The following UTP18 variants were observed in gnomAD, a reference collection of about 807,000 sequenced individuals.
The protein encoded by UTP18 is U3 small nucleolar RNA-associated protein 18 homolog.
UTP18 carries 36 observed loss-of-function variants against 61.1 expected under a neutral mutation model. The observed-to-expected ratio is 0.59, with a 90% CI of 0.45 to 0.78. The LOEUF is 0.78. Among genes scored for constraint, UTP18 ranks in the 30% least tolerant of loss-of-function variants. The pLI is 0.00. For synonymous variants in UTP18, 282 were observed against 251.1 expected (o/e 1.12, Z -1.16); for missense variants, 753 against 693.9 (o/e 1.09, Z -0.96).
At chr17:51,289,732 T>G (rs946897172) in intron 11 of UTP18, among the ~76,000 whole-genome samples, 1 of 152,232 alleles carries the variant, frequency 6.6e-6, no homozygotes, top group Admixed American at 6.5e-5. Flanking sequence ...ACTACCAGAT[T>G]GTACGCACTT....
In UTP18 at chr17:51,285,295, A is replaced by G. The variant is rs759197720; in HGVS notation, c.1255A>G (p.Arg419Gly). ...WDVNSRKCLN[R>G]FVDEGSLYGL... is the part of the protein sequence containing the mutation. ...TGTGAACTCAAGGAAGTGCCTTAACAGATTTGTTGATGAAGGCAGTTTATA... is the reference window on the plus strand; with the variant it reads ...TGTGAACTCAAGGAAGTGCCTTAACGGATTTGTTGATGAAGGCAGTTTATA... The change falls in exon 10 of 14, where the codon AGA (arginine) becomes GGA (glycine). Residue 419 changes from arginine to glycine, a missense_variant. Physicochemically the swap from Arg to Gly is moderately radical, Grantham distance 125 (BLOSUM62 -2). Transcript: ENST00000225298. 3 of 1,614,024 alleles carry G rather than the reference A, an allele frequency of 1.9e-6. No individual in the cohort carries two copies. The highest frequency in any genetic ancestry group is 1.7e-5 in the Admixed American group (1 of 60,026).
intron 3 of UTP18, among the ~76,000 whole-genome samples, chr17:51,267,757 T>C (rs1362394597): frequency 6.6e-6 from 1 of 152,172 alleles, no homozygotes; most frequent in East Asian, 1.9e-4. Context: ...CAGGGTCTTA[T>C]AAATGCCTTT....
rs2318789 is a variant in UTP18 at position 51,273,441 on chromosome 17, A to C, written c.702A>C (p.Gly234=). Residue 234 remains glycine (G), a synonymous_variant, in exon 5 of 14, where the codon GGA becomes GGC. Coordinates refer to ENST00000225298, the MANE Select transcript of UTP18 (RefSeq NM_016001.3). ...CCACATCAACTTCTCTTCCAAGAGG[A>C]ATCTTGAAGGTGAGAGTCAGTGAAG... is the stretch of plus-strand genomic sequence containing the variant. The part of the protein sequence containing the change: ...FISTSTSLPR[G]ILKMKNCQHA... 0.45 allele frequency: 721,900 copies of C among 1,604,924 alleles called. 167,643 individuals carry two copies. The highest frequency in any genetic ancestry group is 0.6 in the East Asian group (26,561 of 44,420).
In UTP18 at chr17:51,293,958, A is replaced by G; in HGVS notation, c.1559A>G (p.Asn520Ser). ...AACTTCCCAGTCATTAAAAATAAGA[A>G]TATTTCTCATGTTCATACCATGGAT... ...FSNFPVIKNK[N>S]ISHVHTMDFS... Residue 520 changes from asparagine (N) to serine (S), a missense_variant, in exon 12 of 14, where the codon AAT (asparagine) becomes AGT (serine). By Grantham distance (46) the Asn-to-Ser change is conservative. Transcript: ENST00000225298. 6.2e-7 allele frequency: 1 copy of G among 1,608,306 alleles called. No homozygotes were observed. Among genetic ancestry groups the G allele is most frequent in the African/African-American group, 1.3e-5 (1 of 74,774 alleles).
intron 2 of UTP18, 148 bp downstream of exon 2, chr17:51,263,534 G>C (rs1157054966): frequency 1.5e-6 from 1 of 660,484 alleles, no homozygotes; most frequent in Non-Finnish European, 2.5e-6. Context: ...CATGGTTCCT[G>C]ATCCCACCAC....
intron 3 of UTP18, among the ~76,000 whole-genome samples, chr17:51,266,702 A>C (rs1292419242): frequency 6.6e-6 from 1 of 152,174 alleles, no homozygotes; most frequent in African/African-American, 2.4e-5. Flanking sequence ...TTAACTCATT[A>C]ATTTGTCAAT....
intron 10 of UTP18, among the ~76,000 whole-genome samples, chr17:51,287,107 T>G (rs1205907571): frequency 6.6e-6 from 1 of 152,018 alleles, no homozygotes; most frequent in Non-Finnish European, 1.5e-5. Flanking sequence ...TCACTCAGAT[T>G]TGTGAAGCCA....
chr17:51,275,780 A>C, intron 5 of UTP18, 86 bp from the exon 6 acceptor site: 2 of 1,253,200 alleles, frequency 1.6e-6, no homozygotes, highest in Non-Finnish European at 2.1e-6. Context: ...CCTTCATTAT[A>C]AACTGTAATG....
intron 11 of UTP18, among the ~76,000 whole-genome samples, chr17:51,293,502 G>T (rs867594322): frequency 2.0e-4 from 29 of 143,998 alleles, no homozygotes; most frequent in East Asian, 4.0e-4. Flanking sequence ...ATGAGTTGTT[G>T]TTTTTTTTTT....
intron 1 of UTP18, 27 bp downstream of exon 1, chr17:51,260,953 G>T: frequency 6.8e-7 from 1 of 1,467,588 alleles, no homozygotes; most frequent in Non-Finnish European, 9.0e-7. Flanking sequence ...CGCGCGGGCT[G>T]GGCGCACTCG....
intron 9 of UTP18, among the ~76,000 whole-genome samples, chr17:51,282,867 C>T (rs1473563193): frequency 2.3e-4 from 28 of 120,712 alleles, no homozygotes; most frequent in African/African-American, 1.4e-4. Context: ...TCTTCTTCTT[C>T]TTTTTTTTTT....
intron 5 of UTP18, among the ~76,000 whole-genome samples, chr17:51,275,513 A>T (rs576222041): frequency 3.9e-5 from 6 of 152,362 alleles, no homozygotes; most frequent in Non-Finnish European, 5.9e-5. Flanking sequence ...AAATTTCCTC[A>T]GAAGTGAAAG....
intron 13 of UTP18, among the ~76,000 whole-genome samples, chr17:51,297,448 A>G (rs114754066): frequency 0.028 from 4,320 of 152,258 alleles, 195 homozygotes; most frequent in African/African-American, 0.097. Flanking sequence ...CTGCTGCCCA[A>G]TATTTAAAAC....
At chr17:51,288,527 T>C in intron 11 of UTP18, 1 of 464,450 alleles carries the variant, frequency 2.2e-6, no homozygotes, top group South Asian at 1.5e-5. Flanking sequence ...ACAATTTTCT[T>C]TCCTCATTTA....
chr17:51,291,518 T>C (rs1159609069), intron 11 of UTP18, among the ~76,000 whole-genome samples: 1 of 152,138 alleles, frequency 6.6e-6, no homozygotes, highest in African/African-American at 2.4e-5. Flanking sequence ...GAGGATCACT[T>C]GAGGCCAGGA....
chr17:51,279,490 G>GT (rs200917778), intron 7 of UTP18, among the ~76,000 whole-genome samples: 229 of 148,988 alleles, frequency 1.5e-3, no homozygotes, highest in South Asian at 2.7e-3. Context: ...AAGTTTTGGG[G>GT]TTTTTTTTGT....
chr17:51,285,091 A>G (rs1905062197), intron 9 of UTP18, among the ~76,000 whole-genome samples, 154 bp from the exon 10 acceptor site: 1 of 152,054 alleles, frequency 6.6e-6, no homozygotes, highest in East Asian at 1.9e-4. Flanking sequence ...AAGAAAAGAA[A>G]TATTCTTAGT....
rs532136148 is a variant in UTP18 at position 51,268,071 on chromosome 17, G to A, written c.555-766G>A. On this transcript the variant is annotated intron_variant, in intron 3 of 13. Coordinates refer to ENST00000225298, the MANE Select transcript of UTP18 (RefSeq NM_016001.3). ...GTCGCCCAGGCTGGAGTGCAGCGGCGTGATCGCGGCTCACTGCAAGCTCTG... is the reference window on the plus strand; with the variant it reads ...GTCGCCCAGGCTGGAGTGCAGCGGCATGATCGCGGCTCACTGCAAGCTCTG... 3.4e-4 allele frequency among the ~76,000 whole-genome samples: 51 copies of A among 150,026 alleles called. No homozygotes were observed. In the South Asian group the frequency reaches 0.01, roughly 30 times the overall value.
chr17:51,297,219 C>T (rs917957328), intron 13 of UTP18, among the ~76,000 whole-genome samples: 2 of 152,174 alleles, frequency 1.3e-5, no homozygotes, highest in African/African-American at 2.4e-5. Flanking sequence ...CTCGGTTCTT[C>T]TGAGGTCTGA....
Sources: allele counts gnomAD v4.1 joint callset (sites outside exome capture counted in the v4.1 genomes callset), GRCh38; gene constraint gnomAD v4.1.1; transcripts MANE v1.5; gene names NCBI Gene and HGNC (gene_info 2026-07-23, HGNC 2026-07-21).